ANKMY2: variants seen among roughly 807,000 people sequenced by gnomAD.
The protein encoded by ANKMY2 is ankyrin repeat and MYND domain containing 2, also known as ankyrin repeat and MYND domain-containing protein 2.
ANKMY2 carries 36 observed loss-of-function variants against 50.4 expected under a neutral mutation model. That is an observed-to-expected ratio of 0.71 (90% CI 0.55 to 0.94). ANKMY2 has a LOEUF of 0.94. Among genes scored for constraint, ANKMY2 ranks in the 40% least tolerant of loss-of-function variants. The pLI, the probability that ANKMY2 is intolerant of heterozygous loss-of-function variation, is 0.00. For synonymous variants in ANKMY2, 187 were observed against 178.8 expected, an observed-to-expected ratio of 1.05 and a Z score of -0.36; for missense variants, 565 against 524.0, an observed-to-expected ratio of 1.08 and a Z score of -0.76.
At chr7:16,628,440 T>C (rs902983476) in intron 2 of ANKMY2, among the ~76,000 whole-genome samples, 1 of 146,528 alleles carries the variant, frequency 6.8e-6, no homozygotes, top group Admixed American at 7.1e-5. Flanking sequence ...AATGGAAAAA[T>C]GATAAGCAGA....
At chr7:16,604,684 C>A (rs1382432512) in intron 8 of ANKMY2, 37 bp downstream of exon 8, 4 of 1,604,674 alleles carry the variant, frequency 2.5e-6, no homozygotes, top group Non-Finnish European at 3.4e-6. Flanking sequence ...TGCATCTAAA[C>A]CAGAGGTCAA....
intron 1 of ANKMY2, among the ~76,000 whole-genome samples, chr7:16,643,512 A>T (rs1180311203): frequency 1.3e-5 from 2 of 149,460 alleles, no homozygotes; most frequent in African/African-American, 5.2e-5. Context: ...GGTCCAATGA[A>T]AGCGATGAAA....
chr7:16,628,841 C>T (rs775505222), intron 2 of ANKMY2, among the ~76,000 whole-genome samples: 2 of 152,118 alleles, frequency 1.3e-5, no homozygotes, highest in Non-Finnish European at 2.9e-5. Context: ...AGCAATCCAA[C>T]CTACAACAAG....
intron 1 of ANKMY2, among the ~76,000 whole-genome samples, chr7:16,636,689 C>T (rs1185589191): frequency 6.6e-6 from 1 of 151,982 alleles, no homozygotes; most frequent in Non-Finnish European, 1.5e-5. Flanking sequence ...TTTCACTGAC[C>T]TTAAAGTATA....
rs532282641 is a variant in ANKMY2, at chr7:16,627,068, G to A, written c.243C>T (p.Tyr81=). ...AAAGTGCAGCAAACATGAGGGCTGT[G>A]TATCCATGTTCATGCTGATGACAAT... The part of the protein sequence containing the change: ...DVNCHQHEHG[Y]TALMFAALSG... Residue 81 remains tyrosine (Y), a synonymous_variant, in exon 3 of 10, where the codon TAC becomes TAT. Coordinates refer to ENST00000306999, the MANE Select transcript of ANKMY2 (RefSeq NM_020319.3). 2.4e-5 allele frequency: 38 copies of A among 1,609,856 alleles called. No individual in the cohort carries two copies. In the South Asian group the frequency reaches 3.9e-4, roughly 16 times the overall value.
chr7:16,644,577 A>C (rs1781792059), intron 1 of ANKMY2: 1 of 404,208 alleles, frequency 2.5e-6, no homozygotes. Flanking sequence ...AAACATGGCT[A>C]TATTATTATT....
intron 2 of ANKMY2, among the ~76,000 whole-genome samples, 192 bp downstream of exon 2, chr7:16,636,199 C>T (rs528186751): frequency 5.4e-4 from 76 of 140,746 alleles, no homozygotes; most frequent in African/African-American, 1.7e-3. Flanking sequence ...GCTACTTGGG[C>T]GGCTGAGGCA....
intron 4 of ANKMY2, among the ~76,000 whole-genome samples, chr7:16,622,796 ACT>A (rs1335142739): frequency 6.6e-6 from 1 of 151,474 alleles, no homozygotes; most frequent in African/African-American, 2.4e-5. Flanking sequence ...AAAAATAAAA[ACT>A]CTATATCCTT....
In ANKMY2 at chr7:16,627,235, A is replaced by G; in HGVS notation, c.133-57T>C. On this transcript the variant is annotated intron_variant, in intron 2 of 9. Transcript: ENST00000306999. ...TTACTGTTTTATCTTTTCTGTACCT[A>G]TGAACAATTTCTGCAATTAGAAACA... 3 of 1,183,644 alleles carry G rather than the reference A, an allele frequency of 2.5e-6. 1 individual carries two copies. The highest frequency in any genetic ancestry group is 3.6e-5 in the South Asian group (2 of 56,336). The allele number at this position is 1,183,644 out of a possible 1,614,324, so 73.3% of individuals were successfully genotyped here.
chr7:16,637,884 C>A (rs1781688957), intron 1 of ANKMY2, among the ~76,000 whole-genome samples: 1 of 152,194 alleles, frequency 6.6e-6, no homozygotes, highest in Non-Finnish European at 1.5e-5. Flanking sequence ...TGATTGTAAG[C>A]ATGTCAAAAC....
Position 16,609,843 on chromosome 7 carries a change from T to C in ANKMY2, c.747-78A>G, listed in dbSNP as rs549019622. On this transcript the variant is annotated intron_variant, in intron 6 of 9. Transcript: ENST00000306999. ...CCTAGTTGAACCCAACAGTTTTTAG[T>C]AGTTTCTTCTGTTACTTATGATTTT... 2.3e-5 allele frequency: 34 copies of C among 1,497,514 alleles called. No individual in the cohort carries two copies. In the Admixed American group the frequency reaches 7.4e-4, roughly 32 times the overall value. The allele number at this position is 1,497,514 out of a possible 1,614,324, so 92.8% of individuals were successfully genotyped here. A position where few individuals can be genotyped will look rare whatever the true frequency, so the allele number is the denominator to read the frequency against.
At chr7:16,601,867 A>G (rs6955869) in intron 9 of ANKMY2, among the ~76,000 whole-genome samples, 5,188 of 152,244 alleles carry the variant, frequency 0.034, 288 homozygotes, top group African/African-American at 0.12. Flanking sequence ...AAAAAATACA[A>G]AATTCACTGC....
In ANKMY2 at chr7:16,636,373, A is replaced by T; in HGVS notation, c.132+18T>A. 1 of 1,536,050 alleles carries T rather than the reference A, an allele frequency of 6.5e-7. No homozygotes were observed. The highest frequency in any genetic ancestry group is 8.8e-7 in the Non-Finnish European group (1 of 1,132,738). On this transcript the variant is annotated intron_variant, in intron 2 of 9. Coordinates refer to ENST00000306999, the MANE Select transcript of ANKMY2 (RefSeq NM_020319.3). ...CTTATAGGAAGTAAAATCCTTTATTAAACTTCTAAAATCTTACCTCGTCCA... is the reference window on the plus strand; with the variant it reads ...CTTATAGGAAGTAAAATCCTTTATTTAACTTCTAAAATCTTACCTCGTCCA...
chr7:16,627,201 G>T, intron 2 of ANKMY2, 23 bp from the exon 3 acceptor site: 2 of 1,528,094 alleles, frequency 1.3e-6, no homozygotes, highest in Non-Finnish European at 1.8e-6. Context: ...GAGGAAAAAA[G>T]TATTAATTTT....
At chr7:16,602,545 G>A (rs753452445) in intron 8 of ANKMY2, 36 bp from the exon 9 acceptor site, 1 of 1,596,038 alleles carries the variant, frequency 6.3e-7, no homozygotes, top group Admixed American at 1.8e-5. Context: ...CATTTCCAGA[G>A]CTTGGGTTGT....
At position 16,645,440 on chromosome 7, in the gene ANKMY2, C is replaced by A. The variant is rs1323322489; in HGVS notation, c.67+67G>T. 3.4e-6 allele frequency: 5 copies of A among 1,482,444 alleles called. No individual in the cohort carries two copies. The South Asian group carries it at 6.5e-5, about 19-fold the overall frequency. The allele number at this position is 1,482,444 out of a possible 1,614,324, so 91.8% of individuals were successfully genotyped here. A position where few individuals can be genotyped will look rare whatever the true frequency, so the allele number is the denominator to read the frequency against. ...CCAAAGGTCACCCAGGCCAGGAGCG[C>A]CCCCCGGGCTCCGCCACGCCCCCCG... On this transcript the variant is annotated intron_variant, in intron 1 of 9. Transcript: ENST00000306999.
At chr7:16,643,685 C>A (rs1252311151) in intron 1 of ANKMY2, among the ~76,000 whole-genome samples, 4 of 151,842 alleles carry the variant, frequency 2.6e-5, no homozygotes. Flanking sequence ...CTCTCAAAGA[C>A]TCAATTTATA....
At chr7:16,602,725 T>C (rs1317744879) in intron 8 of ANKMY2, among the ~76,000 whole-genome samples, 2 of 152,184 alleles carry the variant, frequency 1.3e-5, no homozygotes, top group Non-Finnish European at 2.9e-5. Flanking sequence ...TGGGAGGTGA[T>C]AGGATCATGG....
intron 1 of ANKMY2, among the ~76,000 whole-genome samples, chr7:16,639,717 G>A (rs1318078580): frequency 3.9e-5 from 6 of 152,162 alleles, no homozygotes; most frequent in African/African-American, 1.4e-4. Flanking sequence ...AGGAAGTTGA[G>A]GCTGCAGTGA....
Sources: allele counts gnomAD v4.1 joint callset (sites outside exome capture counted in the v4.1 genomes callset), GRCh38; gene constraint gnomAD v4.1.1; transcripts MANE v1.5; gene names NCBI Gene and HGNC (gene_info 2026-07-23, HGNC 2026-07-21).